TFDP2: variants seen among roughly 807,000 people sequenced by gnomAD.
TFDP2 encodes the protein transcription factor Dp-2, also known as transcription factor Dp-2 (E2F dimerization partner 2).
Under a neutral mutation model 59.3 loss-of-function variants are expected in TFDP2, and 17 were observed. The ratio of observed to expected loss-of-function variants is 0.29; its 90% confidence interval spans 0.20 to 0.43. The LOEUF is 0.43. Ranked by LOEUF, TFDP2 falls within the 20% of genes least tolerant of loss-of-function variation. TFDP2 has a pLI of 1.00. For missense variants in TFDP2, 391 were observed against 528.8 expected (o/e 0.74, Z 2.56); for synonymous variants, 180 against 194.7 (o/e 0.92, Z 0.63).
intron 3 of TFDP2, among the ~76,000 whole-genome samples, chr3:142,035,518 A>C (rs1946652004): frequency 6.6e-6 from 1 of 152,192 alleles, no homozygotes; most frequent in Non-Finnish European, 1.5e-5. Flanking sequence ...AGCCTCATTG[A>C]GAGAGATGAG....
chr3:141,957,353 C>T (rs970413179), intron 11 of TFDP2, among the ~76,000 whole-genome samples: 16 of 152,244 alleles, frequency 1.1e-4, no homozygotes, highest in African/African-American at 3.6e-4. Context: ...AATTGGAACA[C>T]TTATCCACTG....
At chr3:142,074,597 A>G (rs1036530130) in intron 3 of TFDP2, among the ~76,000 whole-genome samples, 1 of 152,052 alleles carries the variant, frequency 6.6e-6, no homozygotes, top group African/African-American at 2.4e-5. Flanking sequence ...CACACCTGTA[A>G]TCCCAGCACC....
At chr3:142,055,633 C>T (rs538607222) in intron 3 of TFDP2, among the ~76,000 whole-genome samples, 1 of 152,292 alleles carries the variant, frequency 6.6e-6, no homozygotes, top group Admixed American at 6.5e-5. Context: ...AACCTATTAT[C>T]ATTACATAAA....
chr3:142,019,356 G>A (rs917511165), intron 3 of TFDP2, among the ~76,000 whole-genome samples: 3 of 152,158 alleles, frequency 2.0e-5, no homozygotes, highest in East Asian at 1.9e-4. Context: ...GAGCCACTGC[G>A]CCCGGCCTAT....
intron 3 of TFDP2, among the ~76,000 whole-genome samples, chr3:142,016,963 G>A (rs1394733535): frequency 6.6e-6 from 1 of 152,076 alleles, no homozygotes; most frequent in Non-Finnish European, 1.5e-5. Flanking sequence ...CATTCACACT[G>A]ACCTCTTTGC....
intron 1 of TFDP2, among the ~76,000 whole-genome samples, chr3:142,131,687 C>T (rs372197593): frequency 6.0e-5 from 9 of 150,018 alleles, no homozygotes; most frequent in Non-Finnish European, 8.8e-5. Context: ...GTAAGAAATG[C>T]GTAACGCCTA....
chr3:142,017,826 C>T (rs1470958797), intron 3 of TFDP2, among the ~76,000 whole-genome samples: 2 of 152,206 alleles, frequency 1.3e-5, no homozygotes, highest in African/African-American at 2.4e-5. Context: ...GCTGGGATTA[C>T]AGGCGTGAGC....
At chr3:142,013,771 A>AT (rs35931945) in intron 3 of TFDP2, among the ~76,000 whole-genome samples, 10,733 of 132,616 alleles carry the variant, frequency 0.081, 473 homozygotes, top group African/African-American at 0.13. Context: ...GACACCACAT[A>AT]TTTTTTTTTC....
rs1334478584 is a variant in TFDP2 at position 141,949,431 on chromosome 3, ACAC to A, written c.*3079_*3081del. Reference sequence around the variant, plus strand: ...TGATCATAAGGCACAAGGTATACAAACACCACAACTGCTCTCACCACAGGAAAT... The same window carrying A: ...TGATCATAAGGCACAAGGTATACAAACACAACTGCTCTCACCACAGGAAAT... On this transcript the variant is annotated 3_prime_UTR_variant, in exon 13 of 13. Transcript: ENST00000489671. 4.7e-5 allele frequency: 7 copies of A among 149,706 alleles called. No homozygotes were observed. Among genetic ancestry groups the A allele is most frequent in the South Asian group, 2.1e-4 (1 of 4,830 alleles). The allele number at this position is 149,706 out of a possible 1,614,324, so 9.3% of individuals were successfully genotyped here. A position where few individuals can be genotyped will look rare whatever the true frequency, so the allele number is the denominator to read the frequency against.
chr3:142,137,585 T>C (rs144615474), intron 1 of TFDP2, among the ~76,000 whole-genome samples: 12,654 of 152,264 alleles, frequency 0.083, 654 homozygotes, highest in Middle Eastern at 0.14. Flanking sequence ...GTTTTTAGCA[T>C]GAAGGGCTGT....
At chr3:141,989,882 A>AT (rs201457254) in intron 6 of TFDP2, among the ~76,000 whole-genome samples, 2 of 149,216 alleles carry the variant, frequency 1.3e-5, no homozygotes, top group East Asian at 3.9e-4. Flanking sequence ...TACTTTAATA[A>AT]TAATAATAAT....
chr3:142,101,808 AC>A lies in TFDP2; in HGVS notation c.-60del. On this transcript the variant is annotated 5_prime_UTR_variant, in exon 2 of 13. Coordinates refer to ENST00000489671, the MANE Select transcript of TFDP2 (RefSeq NM_001178139.2). ...CCATTAAAAAAATAAAAAGAAAAAA[AC>A]CTTCGTCTTCAATAATTCTTTAAAA... 9.5e-7 allele frequency: 1 copy of A among 1,054,844 alleles called. No homozygotes were observed. The highest frequency in any genetic ancestry group is 1.3e-6 in the Non-Finnish European group (1 of 773,482). 65.3% of individuals were successfully genotyped at this position (1,054,844 alleles called of 1,614,324 possible).
intron 3 of TFDP2, among the ~76,000 whole-genome samples, chr3:142,059,780 C>T (rs370819473): frequency 6.6e-5 from 10 of 152,084 alleles, no homozygotes; most frequent in African/African-American, 2.4e-4. Flanking sequence ...CGGGGTTTTG[C>T]CATGTTGGCC....
At chr3:142,118,830 T>C (rs1268710597) in intron 1 of TFDP2, among the ~76,000 whole-genome samples, 1 of 152,150 alleles carries the variant, frequency 6.6e-6, no homozygotes, top group Non-Finnish European at 1.5e-5. Flanking sequence ...GTGTCCCTAA[T>C]TAAAAAAATC....
intron 3 of TFDP2, among the ~76,000 whole-genome samples, chr3:142,089,634 T>C (rs1340525181): frequency 1.3e-5 from 2 of 152,024 alleles, no homozygotes; most frequent in Non-Finnish European, 2.9e-5. Flanking sequence ...GTTTATATCA[T>C]ATATAGAAAT....
intron 6 of TFDP2, among the ~76,000 whole-genome samples, chr3:141,992,633 C>T (rs1013012233): frequency 1.3e-5 from 2 of 152,166 alleles, no homozygotes; most frequent in African/African-American, 4.8e-5. Flanking sequence ...TACAGCAGCT[C>T]CTCAGAAGTG....
intron 3 of TFDP2, among the ~76,000 whole-genome samples, chr3:142,013,420 T>C (rs1944874993): frequency 1.3e-5 from 2 of 152,238 alleles, no homozygotes; most frequent in Non-Finnish European, 2.9e-5. Context: ...AAAGATTCAG[T>C]CAACCAAAAT....
Position 142,119,150 on chromosome 3 carries a change from G to A in TFDP2, c.-92-17309C>T, listed in dbSNP as rs563595136. 5.1e-4 allele frequency among the ~76,000 whole-genome samples: 77 copies of A among 151,648 alleles called. 2 individuals are homozygous for A. In the South Asian group the frequency reaches 9.4e-3, roughly 18 times the overall value. On this transcript the variant is annotated intron_variant, in intron 1 of 12. Transcript: ENST00000489671. Reference sequence around the variant, plus strand: ...TACTCCAGACTGGGTGAAAGAGCAAGACACTGTTTCAAAAAAAAAAAGTAC... The same window carrying A: ...TACTCCAGACTGGGTGAAAGAGCAAAACACTGTTTCAAAAAAAAAAAGTAC...
At chr3:142,109,684 C>T (rs2061589311) in intron 1 of TFDP2, among the ~76,000 whole-genome samples, 1 of 151,918 alleles carries the variant, frequency 6.6e-6, no homozygotes, top group Admixed American at 6.6e-5. Context: ...CATCCTGGGA[C>T]CAGCATTTTA....
Sources: allele counts gnomAD v4.1 joint callset (sites outside exome capture counted in the v4.1 genomes callset), GRCh38; gene constraint gnomAD v4.1.1; transcripts MANE v1.5; gene names NCBI Gene and HGNC (gene_info 2026-07-23, HGNC 2026-07-21).